The following MARK1 variants were observed in gnomAD, a reference collection of about 807,000 sequenced individuals.
MARK1 encodes serine/threonine-protein kinase MARK1.
Under a neutral mutation model 96.3 loss-of-function variants are expected in MARK1, and 40 were observed. That is an observed-to-expected ratio of 0.42 (90% CI 0.32 to 0.54). The LOEUF (loss-of-function observed/expected upper bound fraction) is 0.54. Ranked by LOEUF, MARK1 falls within the 20% of genes least tolerant of loss-of-function variation. The pLI, the probability that MARK1 is intolerant of heterozygous loss-of-function variation, is 0.16. For missense variants in MARK1, 719 were observed against 984.6 expected (o/e 0.73, Z 3.61); for synonymous variants, 317 against 341.2 (o/e 0.93, Z 0.78).
chr1:220,629,370 G>A (rs1333163336), intron 9 of MARK1, among the ~76,000 whole-genome samples: 37 of 139,522 alleles, frequency 2.7e-4, no homozygotes, highest in Non-Finnish European at 4.4e-4. Context: ...TTTTTTTTTG[G>A]TGGTGGTGGT....
At position 220,603,015 on chromosome 1, in the gene MARK1, T is replaced by C. The variant is rs115328051; in HGVS notation, c.425-1052T>C. ...TCTTAATGAAGTTAAGAAATCTTCC[T>C]AATAATGTCTTTCAGTAGTACTTAG... is the stretch of plus-strand genomic sequence containing the variant. On this transcript the variant is annotated intron_variant, in intron 5 of 17. Transcript: ENST00000366917. Among the ~76,000 whole-genome samples, 1,311 of 152,142 alleles carry C rather than the reference T, an allele frequency of 8.6e-3. 16 individuals are homozygous for C. Among genetic ancestry groups the C allele is most frequent in the African/African-American group, 0.029 (1,199 of 41,550 alleles).
chr1:220,617,666 A>G (rs985046858), intron 7 of MARK1, among the ~76,000 whole-genome samples: 1 of 152,216 alleles, frequency 6.6e-6, no homozygotes, highest in Non-Finnish European at 1.5e-5. Flanking sequence ...ATTGTTTTCT[A>G]TGTAAAATAT....
intron 1 of MARK1, among the ~76,000 whole-genome samples, chr1:220,539,652 T>C (rs1403865156): frequency 6.6e-6 from 1 of 152,208 alleles, no homozygotes; most frequent in East Asian, 1.9e-4. Context: ...ATTTTCCTTC[T>C]ATGAATGTGG....
chr1:220,536,401 C>CT lies in MARK1; in HGVS notation c.51+7540dup, dbSNP rs377315002. Among the ~76,000 whole-genome samples, 450 of 140,242 alleles carry CT rather than the reference C, an allele frequency of 3.2e-3. 1 individual carries two copies. Among genetic ancestry groups the CT allele is most frequent in the South Asian group, 5.9e-3 (26 of 4,418 alleles). The allele number at this position is 140,242 out of a possible 152,430, so 92.0% of individuals were successfully genotyped here. A position where few individuals can be genotyped will look rare whatever the true frequency, so the allele number is the denominator to read the frequency against. On this transcript the variant is annotated intron_variant, in intron 1 of 17. Coordinates refer to ENST00000366917, the MANE Select transcript of MARK1 (RefSeq NM_018650.5). ...GAGTGTTATTTATATTAGTTGTGGG[C>CT]TTTTTTTTTTTTCCCACACAATACA...
At chr1:220,549,999 C>T (rs1385728962) in intron 1 of MARK1, among the ~76,000 whole-genome samples, 1 of 152,240 alleles carries the variant, frequency 6.6e-6, no homozygotes, top group Non-Finnish European at 1.5e-5. Flanking sequence ...TCTTACCCCA[C>T]AGTCGTGATA....
In MARK1 at chr1:220,618,902, T is replaced by G. The variant is rs1191773635; in HGVS notation, c.909+147T>G. ...TTGTAGGTAGGGAAAATTACATGACTTTTTTTCACTTTCAAAAGTTGCCAC... is the reference window on the plus strand; with the variant it reads ...TTGTAGGTAGGGAAAATTACATGACGTTTTTTCACTTTCAAAAGTTGCCAC... On this transcript the variant is annotated intron_variant, in intron 9 of 17. Coordinates refer to ENST00000366917, the MANE Select transcript of MARK1 (RefSeq NM_018650.5). The surrounding 1 kb of genome is among the most constrained non-coding windows in gnomAD (Gnocchi z 4.6). The G allele has an allele frequency of 3.0e-6, 2 of 665,966 alleles. No individual in the cohort carries two copies. The highest frequency in any genetic ancestry group is 4.8e-6 in the Non-Finnish European group (2 of 418,376). 41.3% of individuals were successfully genotyped at this position (665,966 alleles called of 1,614,324 possible). A position where few individuals can be genotyped will look rare whatever the true frequency, so the allele number is the denominator to read the frequency against.
intron 11 of MARK1, among the ~76,000 whole-genome samples, chr1:220,632,810 T>C (rs1667743252): frequency 1.3e-5 from 2 of 152,326 alleles, no homozygotes; most frequent in East Asian, 1.9e-4. Flanking sequence ...AGGAGAACTA[T>C]AATAAGGAGA....
chr1:220,610,336 C>T (rs1210842752), intron 6 of MARK1, among the ~76,000 whole-genome samples: 3 of 152,136 alleles, frequency 2.0e-5, no homozygotes, highest in Admixed American at 6.6e-5. Flanking sequence ...TCCACTTGAT[C>T]GAATCGGCTA....
rs141266899 is a variant in MARK1 at position 220,583,729 on chromosome 1, A to G, written c.309+2611A>G. ...AGTGGCGCGATCTGAGCTCACTGCA[A>G]CCTCCACCTCCCAGGCTCAAGCGAT... On this transcript the variant is annotated intron_variant, in intron 3 of 17. Coordinates refer to ENST00000366917, the MANE Select transcript of MARK1 (RefSeq NM_018650.5). Among the ~76,000 whole-genome samples the G allele has an allele frequency of 2.2e-3, 332 of 150,144 alleles. 1 individual carries two copies. The highest frequency in any genetic ancestry group is 7.9e-3 in the African/African-American group (321 of 40,832).
chr1:220,623,907 T>C (rs1004073012), intron 9 of MARK1, among the ~76,000 whole-genome samples: 6 of 152,228 alleles, frequency 3.9e-5, no homozygotes, highest in Non-Finnish European at 1.5e-5. Flanking sequence ...TCCTGCCCCC[T>C]TACAGTTCCT....
intron 9 of MARK1, among the ~76,000 whole-genome samples, chr1:220,621,208 T>C (rs1005094527): frequency 1.3e-5 from 2 of 152,122 alleles, no homozygotes; most frequent in African/African-American, 4.8e-5. Flanking sequence ...GCTATGTTAT[T>C]CTCCTTGGGT....
intron 15 of MARK1, 38 bp from the exon 16 acceptor site, chr1:220,653,063 C>A: frequency 6.2e-7 from 1 of 1,604,722 alleles, no homozygotes; most frequent in Non-Finnish European, 8.5e-7. Context: ...GTTTTCTTGT[C>A]ATTATTCTGA....
At chr1:220,641,106 GC>G (rs1668241945) in intron 13 of MARK1, among the ~76,000 whole-genome samples, 1 of 152,196 alleles carries the variant, frequency 6.6e-6, no homozygotes, top group East Asian at 1.9e-4. Context: ...AATATGTTGT[GC>G]TGTTTTTGAA....
At chr1:220,653,501 C>G (rs1234391802) in intron 16 of MARK1, 149 bp downstream of exon 16, 4 of 778,038 alleles carry the variant, frequency 5.1e-6, no homozygotes. Flanking sequence ...AGAAAAAAAT[C>G]TAGGAAGACA....
At chr1:220,653,821 C>T (rs1669025972) in intron 16 of MARK1, among the ~76,000 whole-genome samples, 1 of 151,980 alleles carries the variant, frequency 6.6e-6, no homozygotes, top group Non-Finnish European at 1.5e-5. Flanking sequence ...AAAACCTTAT[C>T]ATCAAAACAT....
intron 10 of MARK1, among the ~76,000 whole-genome samples, chr1:220,631,365 A>G (rs977779167): frequency 2.0e-5 from 3 of 152,214 alleles, no homozygotes; most frequent in African/African-American, 7.2e-5. Context: ...TATAAAACCT[A>G]ATGTAAATAA....
rs1028934068 is a variant in MARK1, at chr1:220,528,189, CCG to C, written c.-628_-627del. ...GGCGCTGCGTGCCGCGCCCGCTGCT[CCG>C]CGCGCAGCCGGCTCGGGCCGCTCCT... On this transcript the variant is annotated 5_prime_UTR_variant, in exon 1 of 18. Transcript: ENST00000366917. 6 of 150,456 alleles carry C rather than the reference CCG, an allele frequency of 4.0e-5. No individual in the cohort carries two copies. The highest frequency in any genetic ancestry group is 8.9e-5 in the Non-Finnish European group (6 of 67,432). The allele number at this position is 150,456 out of a possible 1,614,324, so 9.3% of individuals were successfully genotyped here. A position where few individuals can be genotyped will look rare whatever the true frequency, so the allele number is the denominator to read the frequency against.
intron 3 of MARK1, among the ~76,000 whole-genome samples, chr1:220,590,050 A>T (rs2102874632): frequency 6.6e-6 from 1 of 152,258 alleles, no homozygotes; most frequent in Non-Finnish European, 1.5e-5. Context: ...AAAAGATCAC[A>T]TATGTATATG....
At chr1:220,599,448 G>A (rs1324785783) in intron 4 of MARK1, among the ~76,000 whole-genome samples, 1 of 151,916 alleles carries the variant, frequency 6.6e-6, no homozygotes, top group Non-Finnish European at 1.5e-5. Context: ...ATTTTTTGAT[G>A]TCTCACTGTA....
Sources: allele counts gnomAD v4.1 joint callset (sites outside exome capture counted in the v4.1 genomes callset), GRCh38; gene constraint gnomAD v4.1.1; non-coding constraint Gnocchi (gnomAD v3.1); transcripts MANE v1.5; gene names NCBI Gene and HGNC (gene_info 2026-07-23, HGNC 2026-07-21).